Variants in ROCK2 observed in about 807,000 individuals in gnomAD.
ROCK2 encodes the protein Rho associated coiled-coil containing protein kinase 2.
Under a neutral mutation model 195.1 loss-of-function variants are expected in ROCK2, and 61 were observed. That is an observed-to-expected ratio of 0.31 (90% CI 0.25 to 0.39). ROCK2 has a LOEUF of 0.39. Among genes scored for constraint, ROCK2 ranks in the 10% least tolerant of loss-of-function variants. The pLI, the probability that ROCK2 is intolerant of heterozygous loss-of-function variation, is 1.00. For missense variants in ROCK2, 1,109 were observed against 1,637.4 expected (o/e 0.68, Z 5.57); for synonymous variants, 504 against 545.5 (o/e 0.92, Z 1.06).
intron 4 of ROCK2, among the ~76,000 whole-genome samples, chr2:11,244,073 A>T (rs1210923132): frequency 6.6e-6 from 1 of 152,234 alleles, no homozygotes; most frequent in East Asian, 1.9e-4. Context: ...GAGTATTTGC[A>T]CTTAATTTTG....
At chr2:11,283,298 C>T (rs1370166032) in intron 3 of ROCK2, among the ~76,000 whole-genome samples, 5 of 149,402 alleles carry the variant, frequency 3.3e-5, no homozygotes, top group Non-Finnish European at 7.4e-5. Flanking sequence ...CAGTGGCTCA[C>T]GCCTGTAATC....
rs1162415658 is a variant in ROCK2, at chr2:11,182,052, T to G, written c.*1385A>C. On this transcript the variant is annotated 3_prime_UTR_variant, in exon 33 of 33. Transcript: ENST00000315872. ...AAAAAAACTTTACGCTTACCATTGC[T>G]GCATATTGTTGCAGTATAAAACACA... 2.0e-5 allele frequency: 3 copies of G among 152,050 alleles called. No homozygotes were observed. The highest frequency in any genetic ancestry group is 2.0e-4 in the Admixed American group (3 of 15,260). The allele number at this position is 152,050 out of a possible 1,614,324, so 9.4% of individuals were successfully genotyped here.
chr2:11,230,231 A>T (rs1318264954), intron 5 of ROCK2, among the ~76,000 whole-genome samples: 2 of 152,142 alleles, frequency 1.3e-5, no homozygotes, highest in African/African-American at 4.8e-5. Flanking sequence ...TTCTTGGAGA[A>T]GTGATTCCAG....
At chr2:11,249,897 A>G (rs905656375) in intron 3 of ROCK2, 99 bp from the exon 4 acceptor site, 3 of 1,010,592 alleles carry the variant, frequency 3.0e-6, no homozygotes, top group Non-Finnish European at 4.0e-6. Flanking sequence ...TTCAGTTACA[A>G]AAAAATGGTC....
intron 3 of ROCK2, among the ~76,000 whole-genome samples, chr2:11,283,579 A>AG (rs1667087768): frequency 8.2e-6 from 1 of 121,606 alleles, no homozygotes; most frequent in Admixed American, 8.4e-5. Flanking sequence ...AAAAAAAAAA[A>AG]AAAAAAGCAA....
intron 1 of ROCK2, among the ~76,000 whole-genome samples, chr2:11,330,750 AGG>A (rs1668698593): frequency 2.7e-5 from 1 of 37,282 alleles, no homozygotes; most frequent in Non-Finnish European, 6.3e-5. Context: ...GGGAGGAGGG[AGG>A]AGGAGGAGGG....
chr2:11,280,758 T>C (rs1421927243), intron 3 of ROCK2, among the ~76,000 whole-genome samples: 4 of 152,004 alleles, frequency 2.6e-5, no homozygotes, highest in Non-Finnish European at 4.4e-5. Context: ...ATTAAATAAA[T>C]TAAATCAATA....
At chr2:11,266,560 G>C (rs1666421747) in intron 3 of ROCK2, among the ~76,000 whole-genome samples, 1 of 152,130 alleles carries the variant, frequency 6.6e-6, no homozygotes, top group Non-Finnish European at 1.5e-5. Context: ...AACTTGAAAT[G>C]AAAAAGTATT....
chr2:11,289,447 C>T (rs1430099934), intron 1 of ROCK2, among the ~76,000 whole-genome samples: 2 of 152,072 alleles, frequency 1.3e-5, no homozygotes, highest in African/African-American at 2.4e-5. Flanking sequence ...TAGACTTATA[C>T]TCTGTATTAC....
Position 11,183,095 on chromosome 2 carries a change from G to C in ROCK2, c.*342C>G. 1 of 196,744 alleles carries C rather than the reference G, an allele frequency of 5.1e-6. No homozygotes were observed. Among genetic ancestry groups the C allele is most frequent in the Non-Finnish European group, 1.0e-5 (1 of 97,230 alleles). 12.2% of individuals were successfully genotyped at this position (196,744 alleles called of 1,614,324 possible). ...AATGTGCTGGTGAAACCTCTCTGTT[G>C]AAGCTAGAAAAGATGTTTTCTTTAG... is the stretch of plus-strand genomic sequence containing the variant. On this transcript the variant is annotated 3_prime_UTR_variant, in exon 33 of 33. Coordinates refer to ENST00000315872, the MANE Select transcript of ROCK2 (RefSeq NM_004850.5).
chr2:11,321,250 G>A (rs879294556), intron 1 of ROCK2, among the ~76,000 whole-genome samples: 3 of 152,026 alleles, frequency 2.0e-5, no homozygotes, highest in Non-Finnish European at 4.4e-5. Flanking sequence ...ATCTCAGCTC[G>A]CTGCAACCTC....
At chr2:11,335,468 C>G (rs1668901616) in intron 1 of ROCK2, among the ~76,000 whole-genome samples, 1 of 152,136 alleles carries the variant, frequency 6.6e-6, no homozygotes, top group Non-Finnish European at 1.5e-5. Flanking sequence ...TTTTTAAAAG[C>G]TGTAAGTTGC....
upstream of ROCK2, among the ~76,000 whole-genome samples, chr2:11,344,846 G>A (rs1010966561): frequency 1.2e-4 from 18 of 150,884 alleles, no homozygotes; most frequent in African/African-American, 4.3e-4. This position sits in a 1 kb window ranked among gnomAD's most constrained non-coding sequence, Gnocchi z 5.4. Context: ...GGTTCTCTGA[G>A]GCGAATAGCC....
chr2:11,296,005 GGA>G (rs70953384), intron 1 of ROCK2, among the ~76,000 whole-genome samples: 543 of 10,322 alleles, frequency 0.053, 10 homozygotes, highest in Middle Eastern at 0.12. Context: ...GAGAGAGAGA[GGA>G]GAGAGAGAGA....
Position 11,180,121 on chromosome 2 carries a change from T to G in ROCK2, c.*3316A>C, listed in dbSNP as rs1467666731. ...GGAAGGAGAGGTGAGTCAGTAGCAG[T>G]GTCAATGCAGACTCAGAAGCTCGGC... On this transcript the variant is annotated 3_prime_UTR_variant, in exon 33 of 33. Transcript: ENST00000315872. The G allele has an allele frequency of 6.6e-6, 1 of 152,180 alleles. No homozygotes were observed. Among genetic ancestry groups the G allele is most frequent in the Non-Finnish European group, 1.5e-5 (1 of 68,050 alleles). The allele number at this position is 152,180 out of a possible 1,614,324, so 9.4% of individuals were successfully genotyped here.
At chr2:11,286,207 T>C (rs1038942609) in intron 3 of ROCK2, among the ~76,000 whole-genome samples, 1 of 148,782 alleles carries the variant, frequency 6.7e-6, no homozygotes, top group South Asian at 2.2e-4. Context: ...GTTAGGTTTC[T>C]TATACATCTA....
intron 1 of ROCK2, chr2:11,308,044 G>A (rs1391030232): frequency 3.0e-5 from 48 of 1,593,408 alleles, no homozygotes; most frequent in Non-Finnish European, 4.0e-5. Context: ...GTGACCCGGA[G>A]TCTGCTGCAG....
chr2:11,319,536 T>G lies in ROCK2; in HGVS notation c.141+24460A>C, dbSNP rs532000110. On this transcript the variant is annotated intron_variant, in intron 1 of 32. Transcript: ENST00000315872. ...GGGGTTTTCTAGATAAACAATCATG[T>G]CATCTGCAGACAGGGACAATTTGAC... Among the ~76,000 whole-genome samples, 16 of 152,330 alleles carry G rather than the reference T, an allele frequency of 1.1e-4. No individual in the cohort carries two copies. In the South Asian group the frequency reaches 3.3e-3, roughly 32 times the overall value.
chr2:11,338,805 T>TAA (rs1366818280), intron 1 of ROCK2, among the ~76,000 whole-genome samples: 1 of 151,650 alleles, frequency 6.6e-6, no homozygotes, highest in Non-Finnish European at 1.5e-5. Flanking sequence ...ATAACACAGA[T>TAA]AACTCTCAGA....
Sources: allele counts gnomAD v4.1 joint callset (sites outside exome capture counted in the v4.1 genomes callset), GRCh38; gene constraint gnomAD v4.1.1; non-coding constraint Gnocchi (gnomAD v3.1); transcripts MANE v1.5; gene names NCBI Gene and HGNC (gene_info 2026-07-23, HGNC 2026-07-21).